Variants in CCNJL observed in about 807,000 individuals in gnomAD.
CCNJL encodes the protein cyclin-J-like protein.
Under a neutral mutation model 33.4 loss-of-function variants are expected in CCNJL, and 33 were observed. That is an observed-to-expected ratio of 0.99 (90% CI 0.75 to 1.32). CCNJL has a LOEUF of 1.32. Ranked by LOEUF, CCNJL falls within the 40% of genes most tolerant of loss-of-function variation. CCNJL has a pLI of 0.00. For synonymous variants in CCNJL, 227 were observed against 220.9 expected (o/e 1.03, Z -0.24); for missense variants, 512 against 499.7 (o/e 1.02, Z -0.23).
rs545598662 is a variant in CCNJL at position 160,311,894 on chromosome 5, G to A, written c.30C>T (p.Arg10=). 1.4e-5 allele frequency: 23 copies of A among 1,614,104 alleles called. No individual in the cohort carries two copies. In the African/African-American group the frequency reaches 2.9e-4, roughly 21 times the overall value. The change falls in exon 2 of 6, where the codon CGC becomes CGT. Residue 10 remains arginine, a synonymous_variant. Coordinates refer to ENST00000257536, the MANE Select transcript of CCNJL (RefSeq NM_001308173.3). ...GGGTGCAGTGGACGTCCGAGGCGAC[G>A]CGCCCTTCCCACCACGGCTCATCCA... MMDEPWWEG[R]VASDVHCTLR...
intron 2 of CCNJL, among the ~76,000 whole-genome samples, chr5:160,296,813 C>T (rs1171142785): frequency 2.6e-5 from 4 of 152,158 alleles, no homozygotes; most frequent in Non-Finnish European, 5.9e-5. Flanking sequence ...TCTACTCATC[C>T]TTCAAACCCA....
At chr5:160,288,109 TTTA>T (rs920524330) in intron 2 of CCNJL, among the ~76,000 whole-genome samples, 2 of 152,030 alleles carry the variant, frequency 1.3e-5, no homozygotes, top group African/African-American at 4.8e-5. Flanking sequence ...ATCACAGTCC[TTTA>T]TTATTATTAT....
intron 1 of CCNJL, among the ~76,000 whole-genome samples, chr5:160,333,063 T>C (rs1763630145): frequency 6.6e-6 from 1 of 152,104 alleles, no homozygotes; most frequent in Non-Finnish European, 1.5e-5. Context: ...AACAGCAGGA[T>C]TGCTTGAGCT....
chr5:160,288,110 T>TTAG (rs930526836), intron 2 of CCNJL, among the ~76,000 whole-genome samples: 4 of 151,996 alleles, frequency 2.6e-5, no homozygotes, highest in Admixed American at 2.0e-4. Context: ...TCACAGTCCT[T>TTAG]TATTATTATT....
At chr5:160,329,009 A>C (rs150605857) in intron 1 of CCNJL, among the ~76,000 whole-genome samples, 379 of 152,324 alleles carry the variant, frequency 2.5e-3, no homozygotes, top group African/African-American at 8.8e-3. Context: ...CTGGTTCCAC[A>C]GTCTGTACTC....
intron 5 of CCNJL, chr5:160,254,163 A>G: frequency 2.1e-6 from 1 of 481,948 alleles, no homozygotes; most frequent in Non-Finnish European, 3.6e-6. Context: ...GCTTGTGCTC[A>G]CCAATGCCTT....
At chr5:160,325,460 T>G (rs1426340029) in intron 1 of CCNJL, among the ~76,000 whole-genome samples, 1 of 152,216 alleles carries the variant, frequency 6.6e-6, no homozygotes, top group African/African-American at 2.4e-5. Context: ...TTGCTGGGAA[T>G]GTTACCACAT....
chr5:160,269,489 A>ACGTGC (rs1174418103), intron 3 of CCNJL: 10 of 456,366 alleles, frequency 2.2e-5, no homozygotes, highest in African/African-American at 2.0e-4. Context: ...CCCAGGTCTG[A>ACGTGC]CGGCACTGCT....
chr5:160,284,770 A>G (rs1762351254), intron 2 of CCNJL, among the ~76,000 whole-genome samples: 1 of 152,244 alleles, frequency 6.6e-6, no homozygotes, highest in African/African-American at 2.4e-5. Context: ...CCTTATGTTT[A>G]TATATGAAGA....
intron 2 of CCNJL, among the ~76,000 whole-genome samples, chr5:160,300,264 T>C (rs1762881106): frequency 6.6e-6 from 1 of 152,096 alleles, no homozygotes; most frequent in Non-Finnish European, 1.5e-5. Flanking sequence ...CACACTGCAA[T>C]GCGGGGACTA....
chr5:160,317,913 C>G (rs1033151178), upstream of CCNJL, among the ~76,000 whole-genome samples: 4 of 152,146 alleles, frequency 2.6e-5, no homozygotes, highest in Non-Finnish European at 5.9e-5. Flanking sequence ...CAACTGGAGT[C>G]CCTTGTTCTT....
intron 2 of CCNJL, among the ~76,000 whole-genome samples, chr5:160,283,793 G>A (rs184279312): frequency 1.3e-3 from 205 of 152,006 alleles, no homozygotes; most frequent in African/African-American, 4.7e-3. Context: ...CCAGCCTTTG[G>A]TAACCATCCT....
At position 160,300,728 on chromosome 5, in the gene CCNJL, T is replaced by C. The variant is rs567102884; in HGVS notation, c.66+11130A>G. Among the ~76,000 whole-genome samples, 10 of 152,218 alleles carry C rather than the reference T, an allele frequency of 6.6e-5. No individual in the cohort carries two copies. The South Asian group carries it at 2.1e-3, about 32-fold the overall frequency. On this transcript the variant is annotated intron_variant, in intron 2 of 5. Coordinates refer to ENST00000257536, the MANE Select transcript of CCNJL (RefSeq NM_001308173.3). ...TAGGGGTTTCACTCTGGCATAATCA[T>C]AGCACACTGCAGCCTCATACTCCTG... is the stretch of plus-strand genomic sequence containing the variant.
At chr5:160,256,089 A>T (rs1761052386) in intron 4 of CCNJL, among the ~76,000 whole-genome samples, 1 of 152,164 alleles carries the variant, frequency 6.6e-6, no homozygotes. Context: ...GGGTTTCAGC[A>T]TGTAATTCAG....
At chr5:160,303,016 A>G (rs919642935) in intron 2 of CCNJL, among the ~76,000 whole-genome samples, 4 of 152,116 alleles carry the variant, frequency 2.6e-5, no homozygotes, top group Non-Finnish European at 5.9e-5. Flanking sequence ...AAGCCTTTCC[A>G]TCATCTACTC....
At chr5:160,301,725 G>A (rs762876586) in intron 2 of CCNJL, among the ~76,000 whole-genome samples, 3 of 148,864 alleles carry the variant, frequency 2.0e-5, no homozygotes, top group Non-Finnish European at 3.0e-5. Flanking sequence ...GTGAGCCACC[G>A]CACCCGGTCG....
At chr5:160,258,229 TAAGACCGA>T in intron 4 of CCNJL, 1 of 613,152 alleles carries the variant, frequency 1.6e-6, no homozygotes, top group Non-Finnish European at 2.9e-6. Context: ...TTTTTTTTTT[TAAGACCGA>T]GTCTCGCTGG....
chr5:160,292,658 A>G (rs766883101), intron 2 of CCNJL, among the ~76,000 whole-genome samples: 1 of 144,230 alleles, frequency 6.9e-6, no homozygotes, highest in East Asian at 2.0e-4. Flanking sequence ...TATATGTAAC[A>G]TGTGTGTGTA....
intron 3 of CCNJL, among the ~76,000 whole-genome samples, chr5:160,274,284 C>G (rs1761935154): frequency 6.6e-6 from 1 of 151,894 alleles, no homozygotes; most frequent in African/African-American, 2.4e-5. Flanking sequence ...CATGGTGAAA[C>G]CCCGTTTCTA....
Sources: allele counts gnomAD v4.1 joint callset (sites outside exome capture counted in the v4.1 genomes callset), GRCh38; gene constraint gnomAD v4.1.1; transcripts MANE v1.5; gene names NCBI Gene and HGNC (gene_info 2026-07-23, HGNC 2026-07-21).